Variants in ABCC4 observed in about 807,000 individuals in gnomAD.
ABCC4 encodes ATP binding cassette subfamily C member 4 (PEL blood group), also known as ATP-binding cassette sub-family C member 4.
Under a neutral mutation model 168.5 loss-of-function variants are expected in ABCC4, and 102 were observed. The observed-to-expected ratio is 0.61, with a 90% CI of 0.52 to 0.71. The LOEUF (loss-of-function observed/expected upper bound fraction) is 0.71. Ranked by LOEUF, ABCC4 falls within the 30% of genes least tolerant of loss-of-function variation. ABCC4 has a pLI of 0.00. For synonymous variants in ABCC4, 617 were observed against 590.7 expected (o/e 1.04, Z -0.65); for missense variants, 1,402 against 1,605.8 (o/e 0.87, Z 2.17).
chr13:95,246,909 G>A, intron 3 of ABCC4, 66 bp downstream of exon 3: 1 of 1,554,978 alleles, frequency 6.4e-7, no homozygotes, highest in South Asian at 1.2e-5. Context: ...TACAGCACCA[G>A]TCAATGGCGA....
chr13:95,108,954 G>A (rs1487990118), intron 20 of ABCC4, among the ~76,000 whole-genome samples: 1 of 152,122 alleles, frequency 6.6e-6, no homozygotes, highest in African/African-American at 2.4e-5. Flanking sequence ...CCTTGACTAT[G>A]CTGGTCCAGT....
At chr13:95,225,614 G>A (rs1439843423) in intron 4 of ABCC4, among the ~76,000 whole-genome samples, 1 of 152,170 alleles carries the variant, frequency 6.6e-6, no homozygotes, top group African/African-American at 2.4e-5. Context: ...AGGTTGCAGT[G>A]AGCCAAGATC....
intron 19 of ABCC4, 94 bp downstream of exon 19, chr13:95,161,088 CTTCCCAG>C (rs2037083498): frequency 5.7e-6 from 4 of 705,018 alleles, no homozygotes; most frequent in Non-Finnish European, 7.2e-6. Context: ...TAGTGATTTT[CTTCCCAG>C]CATCCCTTCC....
At position 95,207,725 on chromosome 13, in the gene ABCC4, A is replaced by T; in HGVS notation, c.911+75T>A. 9 of 1,500,706 alleles carry T rather than the reference A, an allele frequency of 6.0e-6. No individual in the cohort carries two copies. In the Admixed American group the frequency reaches 1.3e-4, roughly 21 times the overall value. The allele number at this position is 1,500,706 out of a possible 1,614,324, so 93.0% of individuals were successfully genotyped here. A position where few individuals can be genotyped will look rare whatever the true frequency, so the allele number is the denominator to read the frequency against. ...CTTCCCATAATGTGAAAACATAGTA[A>T]AACTTCTAAAACCATCAACAAGAAT... On this transcript the variant is annotated intron_variant, in intron 7 of 30. Transcript: ENST00000645237.
chr13:95,225,662 T>C (rs373227204), intron 4 of ABCC4, among the ~76,000 whole-genome samples: 1 of 151,984 alleles, frequency 6.6e-6, no homozygotes. Flanking sequence ...AGAGCGAGAG[T>C]CTGTCTCAAA....
intron 1 of ABCC4, among the ~76,000 whole-genome samples, chr13:95,282,825 G>A (rs1439949497): frequency 1.3e-5 from 2 of 152,018 alleles, no homozygotes; most frequent in Non-Finnish European, 2.9e-5. Context: ...GAGCCACCGT[G>A]TCCAGCCTAA....
chr13:95,112,497 C>CT lies in ABCC4; in HGVS notation c.2535+3424dup, dbSNP rs796146030. ...CTGGTAAGTGTAGAATTTCAACTCC[C>CT]TTTTTATGAAGATACCTAACTTTTC... On this transcript the variant is annotated intron_variant, in intron 20 of 30. Coordinates refer to ENST00000645237, the MANE Select transcript of ABCC4 (RefSeq NM_005845.5). 5.3e-5 allele frequency among the ~76,000 whole-genome samples: 8 copies of CT among 152,266 alleles called. No homozygotes were observed. In the South Asian group the frequency reaches 1.5e-3, roughly 28 times the overall value.
At chr13:95,239,177 A>C (rs1028422527) in intron 3 of ABCC4, among the ~76,000 whole-genome samples, 1 of 143,802 alleles carries the variant, frequency 7.0e-6, no homozygotes, top group African/African-American at 2.6e-5. Flanking sequence ...AAAAAAAAAA[A>C]ATTTAAATTA....
At position 95,084,337 on chromosome 13, in the gene ABCC4, C is replaced by T. The variant is rs532070190; in HGVS notation, c.2536-1047G>A. 3.9e-4 allele frequency among the ~76,000 whole-genome samples: 60 copies of T among 152,312 alleles called. 1 individual carries two copies. In the South Asian group the frequency reaches 0.012, roughly 29 times the overall value. Reference sequence around the variant, plus strand: ...TGCATTGTCAGCCACTACATTTTAGCTTGTCCCCAGCATACGGCTAGCTTT... The same window carrying T: ...TGCATTGTCAGCCACTACATTTTAGTTTGTCCCCAGCATACGGCTAGCTTT... On this transcript the variant is annotated intron_variant, in intron 20 of 30. Transcript: ENST00000645237.
chr13:95,061,063 AGACTGTCAG>A (rs1302072342), intron 26 of ABCC4, among the ~76,000 whole-genome samples: 1 of 152,202 alleles, frequency 6.6e-6, no homozygotes, highest in Non-Finnish European at 1.5e-5. Context: ...TCTGCATTAT[AGACTGTCAG>A]GATTTCCTTC....
chr13:95,074,361 T>A, intron 22 of ABCC4, 37 bp from the exon 23 acceptor site: 1 of 1,509,826 alleles, frequency 6.6e-7, no homozygotes, highest in Non-Finnish European at 9.1e-7. Flanking sequence ...GATGAATAAG[T>A]AGATGAATGT....
intron 4 of ABCC4, among the ~76,000 whole-genome samples, chr13:95,211,844 A>C (rs748999754): frequency 5.3e-5 from 8 of 152,268 alleles, no homozygotes; most frequent in Non-Finnish European, 1.2e-4. Flanking sequence ...GGGCTATGTG[A>C]ATGGGAAAAA....
At chr13:95,219,520 T>TTG (rs1264502748) in intron 4 of ABCC4, among the ~76,000 whole-genome samples, 33 of 152,136 alleles carry the variant, frequency 2.2e-4, no homozygotes, top group Admixed American at 6.5e-4. Flanking sequence ...CATCTTTTTG[T>TTG]TGTGTGTGTG....
chr13:95,171,196 A>G (rs1181004986), intron 13 of ABCC4, among the ~76,000 whole-genome samples: 1 of 151,876 alleles, frequency 6.6e-6, no homozygotes, highest in African/African-American at 2.4e-5. Flanking sequence ...GGTCTCATCC[A>G]GGAAGCAAAA....
chr13:95,038,465 C>G (rs1270718909), intron 29 of ABCC4, among the ~76,000 whole-genome samples: 1 of 150,764 alleles, frequency 6.6e-6, no homozygotes, highest in Non-Finnish European at 1.5e-5. Context: ...TTAGCAGCAG[C>G]AGAAGTCACC....
intron 4 of ABCC4, among the ~76,000 whole-genome samples, chr13:95,228,557 C>CTCTCAAA (rs2039531770): frequency 6.6e-6 from 1 of 151,802 alleles, no homozygotes; most frequent in African/African-American, 2.4e-5. Flanking sequence ...GGCGCATTAC[C>CTCTCAAA]TGAGGTTTGG....
intron 30 of ABCC4, among the ~76,000 whole-genome samples, chr13:95,025,191 A>ACAC: frequency 9.8e-6 from 1 of 101,638 alleles, no homozygotes; most frequent in African/African-American, 4.7e-5. Context: ...ACACACACCC[A>ACAC]CACCACACAC....
chr13:95,142,681 G>A (rs9561791), intron 19 of ABCC4, among the ~76,000 whole-genome samples: 1,867 of 152,058 alleles, frequency 0.012, 30 homozygotes, highest in East Asian at 0.053. Flanking sequence ...TTAGAACAAA[G>A]AACAAATAGA....
chr13:95,119,642 G>A (rs1023420447), intron 19 of ABCC4, among the ~76,000 whole-genome samples: 39 of 150,860 alleles, frequency 2.6e-4, no homozygotes, highest in African/African-American at 8.7e-4. Flanking sequence ...ATTCTGATAC[G>A]TCTCCCATGA....
Sources: gnomAD v4.1 joint callset for allele counts (sites outside exome capture counted in the v4.1 genomes callset) on GRCh38, gnomAD v4.1.1 for gene constraint, MANE v1.5 for transcripts, NCBI Gene and HGNC (gene_info 2026-07-23, HGNC 2026-07-21) for gene names.